DNAH12: variants seen among roughly 807,000 people sequenced by gnomAD.
DNAH12 encodes dynein axonemal heavy chain 12, also known as axonemal beta dynein heavy chain 12.
In DNAH12, 285 loss-of-function variants were observed where a neutral mutation model predicts 371.5. The observed-to-expected ratio is 0.77, with a 90% CI of 0.70 to 0.85. The LOEUF (loss-of-function observed/expected upper bound fraction) is 0.85, where lower values mean the gene tolerates loss of function less well. DNAH12 is among the 40% of genes least tolerant of loss of function. DNAH12 has a pLI of 0.00. For missense variants in DNAH12, 3,611 were observed against 3,689.4 expected (o/e 0.98, Z 0.55); for synonymous variants, 1,200 against 1,213.0 (o/e 0.99, Z 0.22).
chr3:57,480,802 G>T (rs1466524322), intron 13 of DNAH12, among the ~76,000 whole-genome samples: 3 of 152,136 alleles, frequency 2.0e-5, no homozygotes, highest in Non-Finnish European at 4.4e-5. Context: ...CATATAAACA[G>T]AACCAAAGAC....
chr3:57,462,913 T>A (rs1367092451), intron 17 of DNAH12, 38 bp from the exon 18 acceptor site: 40 of 1,442,964 alleles, frequency 2.8e-5, no homozygotes, highest in Middle Eastern at 1.7e-4. Flanking sequence ...AGTCACTCAT[T>A]TGACTTCCAC....
At chr3:57,552,488 AT>A in the DNAH12 span, among the ~76,000 whole-genome samples, 1 of 152,198 alleles carries the variant, frequency 6.6e-6, no homozygotes, top group African/African-American at 2.4e-5. Flanking sequence ...CAGTTATCTA[AT>A]TTACTTGTTC....
intron 55 of DNAH12, among the ~76,000 whole-genome samples, chr3:57,369,282 ATAT>A (rs1258263400): frequency 8.2e-6 from 1 of 122,232 alleles, no homozygotes; most frequent in African/African-American, 3.7e-5. Flanking sequence ...TAATTTTTAC[ATAT>A]AATATAGAAT....
At chr3:57,313,788 C>A (rs1161895399) in intron 66 of DNAH12, among the ~76,000 whole-genome samples, 1 of 152,144 alleles carries the variant, frequency 6.6e-6, no homozygotes, top group Non-Finnish European at 1.5e-5. Context: ...GCCTGGGCAA[C>A]ACAGCGAGAC....
intron 61 of DNAH12, 25 bp from the exon 62 acceptor site, chr3:57,334,634 A>T: frequency 5.2e-6 from 8 of 1,524,490 alleles, no homozygotes; most frequent in Non-Finnish European, 7.0e-6. Context: ...CTTAAGAATT[A>T]TTCTTTTTAT....
rs2063057366 is a variant in DNAH12 at position 57,366,603 on chromosome 3, T to C, written c.9167+126A>G. The C allele has an allele frequency of 1.3e-5, 2 of 152,242 alleles. 1 individual carries two copies. The highest frequency in any genetic ancestry group is 4.1e-4 in the South Asian group (2 of 4,838). The allele number at this position is 152,242 out of a possible 1,614,324, so 9.4% of individuals were successfully genotyped here. A position where few individuals can be genotyped will look rare whatever the true frequency, so the allele number is the denominator to read the frequency against. Reference sequence around the variant, plus strand: ...TTACAGATGGCTATTTTAGAGATTATGTGATTATTTATAGTAACAAAGTAT... The same window carrying C: ...TTACAGATGGCTATTTTAGAGATTACGTGATTATTTATAGTAACAAAGTAT... On this transcript the variant is annotated intron_variant, in intron 57 of 73. Coordinates refer to ENST00000495027, the MANE Select transcript of DNAH12 (RefSeq NM_001366028.2).
chr3:57,387,332 G>T (rs2063516015), intron 45 of DNAH12, 113 bp from the exon 46 acceptor site: 1 of 152,200 alleles, frequency 6.6e-6, no homozygotes, highest in African/African-American at 2.4e-5. Context: ...AGAATAATTT[G>T]GTGTTGAGAA....
upstream of DNAH12, among the ~76,000 whole-genome samples, chr3:57,546,357 T>C (rs2069575138): frequency 6.6e-6 from 1 of 152,130 alleles, no homozygotes; most frequent in Admixed American, 6.5e-5. Context: ...CCAGGTGTTA[T>C]CTCAGACAAT....
intron 2 of DNAH12, among the ~76,000 whole-genome samples, chr3:57,526,937 C>CA (rs1486293392): frequency 2.0e-5 from 3 of 151,732 alleles, no homozygotes; most frequent in Non-Finnish European, 2.9e-5. Flanking sequence ...CAGGTTCAAG[C>CA]AATTCTCCTG....
At chr3:57,464,881 G>C (rs569058904) in intron 17 of DNAH12, among the ~76,000 whole-genome samples, 6 of 152,284 alleles carry the variant, frequency 3.9e-5, no homozygotes, top group Admixed American at 1.3e-4. Context: ...AGAAGAAATG[G>C]ACAAATTCCT....
chr3:57,360,250 G>C (rs2062894460), intron 58 of DNAH12, among the ~76,000 whole-genome samples: 1 of 151,996 alleles, frequency 6.6e-6, no homozygotes, highest in Non-Finnish European at 1.5e-5. Context: ...ATTACTCTAA[G>C]ACCCTACTCC....
intron 11 of DNAH12, among the ~76,000 whole-genome samples, chr3:57,493,464 A>G (rs1242850877): frequency 2.0e-5 from 3 of 152,184 alleles, no homozygotes; most frequent in African/African-American, 7.2e-5. Context: ...GCAGATTTTG[A>G]TATCTATACA....
At chr3:57,321,299 C>T (rs548937482) in intron 65 of DNAH12, among the ~76,000 whole-genome samples, 3 of 152,242 alleles carry the variant, frequency 2.0e-5, no homozygotes, top group African/African-American at 7.2e-5. Flanking sequence ...AACTAGGGTA[C>T]ACAGAAAGTG....
At chr3:57,300,783 C>A (rs1005480676) in intron 70 of DNAH12, among the ~76,000 whole-genome samples, 1 of 152,064 alleles carries the variant, frequency 6.6e-6, no homozygotes, top group Non-Finnish European at 1.5e-5. Flanking sequence ...AGATCATATA[C>A]CTTTGAGAAT....
intron 51 of DNAH12, among the ~76,000 whole-genome samples, chr3:57,379,886 A>G (rs1408790726): frequency 6.6e-6 from 1 of 150,524 alleles, no homozygotes; most frequent in East Asian, 2.0e-4. Context: ...AGTTGAGAGA[A>G]CAAATGGAAA....
chr3:57,538,356 G>A (rs2069140841), intron 2 of DNAH12, among the ~76,000 whole-genome samples: 1 of 68,040 alleles, frequency 1.5e-5, no homozygotes, highest in African/African-American at 3.5e-5. Flanking sequence ...TTGAGGCAGT[G>A]TTTTTAAATT....
intron 59 of DNAH12, 118 bp from the exon 60 acceptor site, chr3:57,352,343 A>G: frequency 9.1e-7 from 1 of 1,098,356 alleles, no homozygotes; most frequent in East Asian, 2.8e-5. Context: ...ACGTATAAAG[A>G]TACACACACG....
chr3:57,413,605 T>C, intron 39 of DNAH12, 141 bp downstream of exon 39: 2 of 907,424 alleles, frequency 2.2e-6, no homozygotes, highest in Non-Finnish European at 1.6e-6. Context: ...TCGAAATATA[T>C]TAGAGAGGCT....
intron 17 of DNAH12, among the ~76,000 whole-genome samples, chr3:57,463,119 G>A (rs1575636600): frequency 6.6e-6 from 1 of 151,992 alleles, no homozygotes; most frequent in African/African-American, 2.4e-5. Flanking sequence ...TAAACAAGAA[G>A]AATGAAGGGC....
Sources: gnomAD v4.1 joint callset for allele counts (sites outside exome capture counted in the v4.1 genomes callset) on GRCh38, gnomAD v4.1.1 for gene constraint, MANE v1.5 for transcripts, NCBI Gene and HGNC (gene_info 2026-07-23, HGNC 2026-07-21) for gene names.